The following TENM2 variants were observed in gnomAD, a reference collection of about 807,000 sequenced individuals.
The protein encoded by TENM2 is teneurin transmembrane protein 2.
TENM2 carries 52 observed loss-of-function variants against 245.2 expected under a neutral mutation model. That is an observed-to-expected ratio of 0.21 (90% CI 0.17 to 0.27). TENM2 has a LOEUF of 0.27. Ranked by LOEUF, TENM2 falls within the 10% of genes least tolerant of loss-of-function variation. The pLI is 1.00. For missense variants in TENM2, 3,046 were observed against 3,666.8 expected (o/e 0.83, Z 4.37); for synonymous variants, 1,363 against 1,438.9 (o/e 0.95, Z 1.19).
intron 2 of TENM2, chr5:167,653,497 T>G (rs1754615363): frequency 6.6e-6 from 1 of 152,234 alleles, no homozygotes. Flanking sequence ...TTCTAAATAC[T>G]ATCTCATATT....
chr5:167,344,319 T>TAG (rs1311816604), intron 1 of TENM2, among the ~76,000 whole-genome samples: 10 of 143,972 alleles, frequency 6.9e-5, no homozygotes, highest in African/African-American at 2.6e-4. Context: ...CATATATATA[T>TAG]ATATATATAT....
intron 5 of TENM2, among the ~76,000 whole-genome samples, chr5:168,045,045 A>T (rs899714582): frequency 6.6e-6 from 1 of 152,196 alleles, no homozygotes; most frequent in African/African-American, 2.4e-5. Flanking sequence ...CAGTTCAACA[A>T]CAGAAAATAT....
intron 6 of TENM2, among the ~76,000 whole-genome samples, chr5:168,050,649 C>T (rs1017996144): frequency 6.6e-6 from 1 of 152,130 alleles, no homozygotes; most frequent in African/African-American, 2.4e-5. Context: ...GATGGCACAT[C>T]GATAGAGATT....
intron 2 of TENM2, among the ~76,000 whole-genome samples, chr5:167,799,267 A>G (rs1229297294): frequency 6.6e-6 from 1 of 152,252 alleles, no homozygotes; most frequent in Admixed American, 6.5e-5. Context: ...ATGAACAATA[A>G]TGTGCATTAA....
At chr5:167,707,755 G>A (rs183996165) in intron 2 of TENM2, among the ~76,000 whole-genome samples, 50 of 152,234 alleles carry the variant, frequency 3.3e-4, no homozygotes, top group South Asian at 4.2e-4. Flanking sequence ...CTCAGATCCC[G>A]AACCAGACTG....
At chr5:167,419,313 T>A (rs573328725) in intron 2 of TENM2, among the ~76,000 whole-genome samples, 11 of 152,078 alleles carry the variant, frequency 7.2e-5, no homozygotes, top group African/African-American at 2.7e-4. Flanking sequence ...AATACAAAAA[T>A]TAGATGGGCA....
chr5:167,609,943 G>A (rs1777361214), intron 2 of TENM2, among the ~76,000 whole-genome samples: 1 of 151,852 alleles, frequency 6.6e-6, no homozygotes, highest in Admixed American at 6.6e-5. Context: ...ACAGGTTAAG[G>A]GCTCAGTCCC....
the TENM2 span, among the ~76,000 whole-genome samples, chr5:167,129,379 A>T: frequency 1.3e-5 from 2 of 152,214 alleles, no homozygotes; most frequent in African/African-American, 4.8e-5. Context: ...AGAGATAGGC[A>T]GTGCAATTAG....
intron 2 of TENM2, among the ~76,000 whole-genome samples, chr5:167,639,414 A>G (rs1779416396): frequency 6.6e-6 from 1 of 152,192 alleles, no homozygotes; most frequent in South Asian, 2.1e-4. Context: ...TTCCCTGCTT[A>G]AAGAACTCCG....
At chr5:167,843,516 A>G (rs1419659236) in intron 2 of TENM2, among the ~76,000 whole-genome samples, 1 of 152,292 alleles carries the variant, frequency 6.6e-6, no homozygotes, top group Non-Finnish European at 1.5e-5. Context: ...TGAGAGTCAC[A>G]TTTAACCAGG....
At chr5:167,230,390 A>G in the TENM2 span, among the ~76,000 whole-genome samples, 2 of 152,118 alleles carry the variant, frequency 1.3e-5, no homozygotes, top group African/African-American at 2.4e-5. Context: ...TCCTTGTTTT[A>G]GGGGTTTCCT....
intron 2 of TENM2, among the ~76,000 whole-genome samples, chr5:167,513,188 C>T (rs9313381): frequency 0.048 from 7,289 of 152,144 alleles, 450 homozygotes; most frequent in African/African-American, 0.14. Flanking sequence ...TTACTTTGAG[C>T]TCTCTTTTAT....
intron 2 of TENM2, among the ~76,000 whole-genome samples, chr5:167,682,828 C>CT (rs546173344): frequency 5.9e-5 from 9 of 152,208 alleles, no homozygotes; most frequent in African/African-American, 2.2e-4. Context: ...AACAGCAAGA[C>CT]TTATGGTATT....
At chr5:167,205,647 A>G in the TENM2 span, among the ~76,000 whole-genome samples, 2 of 152,120 alleles carry the variant, frequency 1.3e-5, no homozygotes, top group Non-Finnish European at 2.9e-5. Flanking sequence ...AATTACCCCA[A>G]ATTTGCTAAC....
chr5:167,173,913 A>C, the TENM2 span, among the ~76,000 whole-genome samples: 30 of 152,278 alleles, frequency 2.0e-4, no homozygotes, highest in Middle Eastern at 6.8e-3. Flanking sequence ...TTTTTGCTGA[A>C]ATTCTTTTCC....
chr5:167,407,831 C>CA (rs1024905824), intron 2 of TENM2, among the ~76,000 whole-genome samples: 1 of 152,072 alleles, frequency 6.6e-6, no homozygotes, highest in Non-Finnish European at 1.5e-5. Flanking sequence ...ATAACCACAA[C>CA]AAAAAACCAC....
At chr5:167,673,573 A>T (rs944066164) in intron 2 of TENM2, among the ~76,000 whole-genome samples, 5 of 152,098 alleles carry the variant, frequency 3.3e-5, no homozygotes, top group Non-Finnish European at 7.4e-5. Flanking sequence ...AGTATTTAGC[A>T]TACCAAATGC....
the TENM2 span, among the ~76,000 whole-genome samples, chr5:167,238,761 T>C: frequency 1.3e-5 from 2 of 149,802 alleles, no homozygotes; most frequent in Non-Finnish European, 3.0e-5. Flanking sequence ...CCTGAATCCA[T>C]ATATCAGAAG....
intron 2 of TENM2, among the ~76,000 whole-genome samples, chr5:167,458,749 C>G (rs541434383): frequency 4.6e-5 from 7 of 152,078 alleles, no homozygotes; most frequent in Non-Finnish European, 1.0e-4. Context: ...TTTATCCTTA[C>G]AACACCTCTA....
Sources: allele counts gnomAD v4.1 joint callset (sites outside exome capture counted in the v4.1 genomes callset), GRCh38; gene constraint gnomAD v4.1.1; transcripts MANE v1.5; gene names NCBI Gene and HGNC (gene_info 2026-07-23, HGNC 2026-07-21).